Variants in ARHGEF38 observed in about 807,000 individuals in gnomAD.
The protein encoded by ARHGEF38 is Rho guanine nucleotide exchange factor (GEF) 38.
In ARHGEF38, 79 loss-of-function variants were observed where a neutral mutation model predicts 79.9. The observed-to-expected ratio is 0.99, with a 90% CI of 0.82 to 1.19. The LOEUF is 1.19. Ranked by LOEUF, ARHGEF38 falls within the 50% of genes most tolerant of loss-of-function variation. ARHGEF38 has a pLI of 0.00. For synonymous variants in ARHGEF38, 366 were observed against 328.3 expected, an observed-to-expected ratio of 1.11 and a Z score of -1.24; for missense variants, 962 against 907.2, an observed-to-expected ratio of 1.06 and a Z score of -0.78.
chr4:105,623,312 T>C (rs1728815722), intron 3 of ARHGEF38, among the ~76,000 whole-genome samples: 1 of 152,226 alleles, frequency 6.6e-6, no homozygotes. Context: ...CTGTCTGTGG[T>C]CAGTGTCATT....
intron 1 of ARHGEF38, among the ~76,000 whole-genome samples, chr4:105,570,849 T>C (rs1392242946): frequency 6.6e-6 from 1 of 152,142 alleles, no homozygotes; most frequent in East Asian, 1.9e-4. Context: ...ATAACATCAA[T>C]GAACCTTGAG....
intron 9 of ARHGEF38, among the ~76,000 whole-genome samples, chr4:105,656,425 G>C (rs1307018852): frequency 1.3e-4 from 20 of 152,146 alleles, no homozygotes; most frequent in Admixed American, 1.3e-3. Flanking sequence ...TATTGAGAAA[G>C]ACTTTTATTT....
At chr4:105,665,270 G>C (rs935860302) in intron 10 of ARHGEF38, among the ~76,000 whole-genome samples, 1 of 151,960 alleles carries the variant, frequency 6.6e-6, no homozygotes, top group Non-Finnish European at 1.5e-5. Context: ...CGAGGCGGGC[G>C]GATCATGAGA....
chr4:105,579,094 AT>A (rs1158412304), intron 1 of ARHGEF38, among the ~76,000 whole-genome samples: 3 of 151,980 alleles, frequency 2.0e-5, no homozygotes, highest in Non-Finnish European at 4.4e-5. Context: ...TGGTATGTTG[AT>A]TTTGTATCCT....
chr4:105,595,772 T>C (rs1179455874), intron 2 of ARHGEF38, among the ~76,000 whole-genome samples: 2 of 152,226 alleles, frequency 1.3e-5, no homozygotes, highest in Admixed American at 1.3e-4. Context: ...TAATACAATG[T>C]AAATGCCATC....
At chr4:105,632,887 T>C (rs1729252985) in intron 4 of ARHGEF38, 1 of 152,626 alleles carries the variant, frequency 6.6e-6, no homozygotes, top group Non-Finnish European at 1.5e-5. Flanking sequence ...ATTAAACTTT[T>C]AACTTTTAAG....
At chr4:105,569,304 C>T (rs1290171128) in intron 1 of ARHGEF38, among the ~76,000 whole-genome samples, 1 of 152,184 alleles carries the variant, frequency 6.6e-6, no homozygotes, top group Non-Finnish European at 1.5e-5. Flanking sequence ...ATATCCCTAG[C>T]TCATTTGAAT....
At chr4:105,632,002 C>A (rs1270716958) in intron 4 of ARHGEF38, among the ~76,000 whole-genome samples, 1 of 151,792 alleles carries the variant, frequency 6.6e-6, no homozygotes, top group Non-Finnish European at 1.5e-5. Flanking sequence ...CCCGTTTACT[C>A]TGTGTGATAG....
intron 3 of ARHGEF38, among the ~76,000 whole-genome samples, chr4:105,627,329 G>A (rs1467886050): frequency 2.6e-5 from 4 of 152,090 alleles, no homozygotes; most frequent in African/African-American, 9.7e-5. Context: ...TCATCTTGGA[G>A]CAGGATCACA....
chr4:105,568,382 A>G (rs1578261989), intron 1 of ARHGEF38, among the ~76,000 whole-genome samples: 1 of 151,374 alleles, frequency 6.6e-6, no homozygotes, highest in African/African-American at 2.4e-5. Context: ...ACACTTTTAC[A>G]CTGTTGGTGG....
Position 105,561,539 on chromosome 4 carries a change from A to AGAATG in ARHGEF38, c.196+8581_196+8582insTGGAA, listed in dbSNP as rs1459477083. On this transcript the variant is annotated intron_variant, in intron 1 of 13. Transcript: ENST00000420470. ...AGAATAGAATAGAATAGAATAGAAT[A>AGAATG]GAAAAGTTTCTTTCCCCAGATCTCT... 6.2e-4 allele frequency: 91 copies of AGAATG among 146,486 alleles called. 1 individual carries two copies. The highest frequency in any genetic ancestry group is 8.9e-4 in the Admixed American group (13 of 14,636). 9.1% of individuals were successfully genotyped at this position (146,486 alleles called of 1,614,324 possible).
chr4:105,678,659 C>T lies in ARHGEF38; in HGVS notation c.*722C>T, dbSNP rs1236497495. 4 of 152,174 alleles carry T rather than the reference C, an allele frequency of 2.6e-5. No individual in the cohort carries two copies. The highest frequency in any genetic ancestry group is 9.6e-5 in the African/African-American group (4 of 41,534). The allele number at this position is 152,174 out of a possible 1,614,324, so 9.4% of individuals were successfully genotyped here. A position where few individuals can be genotyped will look rare whatever the true frequency, so the allele number is the denominator to read the frequency against. ...AAAACATTATGAAGAAACCATGGCC[C>T]AAAAAGGTGAAGTAATTTAATCCAA... On this transcript the variant is annotated 3_prime_UTR_variant, in exon 14 of 14. Coordinates refer to ENST00000420470, the MANE Select transcript of ARHGEF38 (RefSeq NM_001242729.2).
intron 8 of ARHGEF38, among the ~76,000 whole-genome samples, chr4:105,655,298 T>C (rs1480395262): frequency 1.3e-5 from 2 of 152,220 alleles, no homozygotes; most frequent in African/African-American, 4.8e-5. Context: ...GAGTGATTTT[T>C]AAAATAAGAA....
rs1578253586 is a variant in ARHGEF38, at chr4:105,561,464, A to AGAATAGAATGGAATGGAATGGAATG, written c.196+8512_196+8513insGGAATGGAATGGAATGGAATAGAAT. 34 of 44,594 alleles carry AGAATAGAATGGAATGGAATGGAATG rather than the reference A, an allele frequency of 7.6e-4. 1 individual carries two copies. Among genetic ancestry groups the AGAATAGAATGGAATGGAATGGAATG allele is most frequent in the Non-Finnish European group, 1.2e-3 (26 of 21,648 alleles). 2.8% of individuals were successfully genotyped at this position (44,594 alleles called of 1,614,324 possible). On this transcript the variant is annotated intron_variant, in intron 1 of 13. Transcript: ENST00000420470. ...AGAATAGAATGGAATAGAATAGAAT[A>AGAATAGAATGGAATGGAATGGAATG]GAATAGAATAGAATAGAATAGAATA...
intron 3 of ARHGEF38, among the ~76,000 whole-genome samples, chr4:105,617,087 A>T (rs904414809): frequency 6.6e-6 from 1 of 152,262 alleles, no homozygotes; most frequent in Non-Finnish European, 1.5e-5. Flanking sequence ...TGAGCAGATG[A>T]ATCGAATAAT....
intron 13 of ARHGEF38, among the ~76,000 whole-genome samples, chr4:105,671,434 A>G (rs1360099932): frequency 6.6e-6 from 1 of 152,202 alleles, no homozygotes; most frequent in East Asian, 1.9e-4. Flanking sequence ...TCTTAACTCT[A>G]GCCAATAGAT....
intron 13 of ARHGEF38, among the ~76,000 whole-genome samples, chr4:105,676,114 G>T (rs28559909): frequency 0.13 from 20,281 of 152,144 alleles, 2,008 homozygotes; most frequent in African/African-American, 0.28. Context: ...TTCAGCTACA[G>T]CTATAGTCTC....
At chr4:105,646,826 C>T (rs1729861688) in intron 6 of ARHGEF38, among the ~76,000 whole-genome samples, 1 of 141,032 alleles carries the variant, frequency 7.1e-6, no homozygotes, top group Non-Finnish European at 1.5e-5. Context: ...AAACACAATC[C>T]AGAGGGTTTT....
rs146202605 is a variant in ARHGEF38 at position 105,622,354 on chromosome 4, A to T, written c.509-8544A>T. 2.7e-4 allele frequency among the ~76,000 whole-genome samples: 41 copies of T among 152,316 alleles called. No individual in the cohort carries two copies. In the East Asian group the frequency reaches 7.1e-3, roughly 27 times the overall value. ...CCAGGAAGGAATGTAAGAGTCTGTGAGTTCCTGAACACTTTCCCAGCCTCC... is the reference window on the plus strand; with the variant it reads ...CCAGGAAGGAATGTAAGAGTCTGTGTGTTCCTGAACACTTTCCCAGCCTCC... On this transcript the variant is annotated intron_variant, in intron 3 of 13. Transcript: ENST00000420470.
Sources: allele counts gnomAD v4.1 joint callset (sites outside exome capture counted in the v4.1 genomes callset), GRCh38; gene constraint gnomAD v4.1.1; transcripts MANE v1.5; gene names NCBI Gene and HGNC (gene_info 2026-07-23, HGNC 2026-07-21).